The following CSMD3 variants were observed in gnomAD, a reference collection of about 807,000 sequenced individuals.
The protein encoded by CSMD3 is CUB and sushi domain-containing protein 3.
CSMD3 carries 177 observed loss-of-function variants against 435.2 expected under a neutral mutation model. That is an observed-to-expected ratio of 0.41 (90% CI 0.36 to 0.46). The LOEUF is 0.46. Among genes scored for constraint, CSMD3 ranks in the 20% least tolerant of loss-of-function variants. CSMD3 has a pLI of 0.34. For missense variants in CSMD3, 4,265 were observed against 4,504.6 expected (o/e 0.95, Z 1.52); for synonymous variants, 1,656 against 1,520.5 (o/e 1.09, Z -2.07).
chr8:112,735,960 C>T lies in CSMD3; in HGVS notation c.1973-45910G>A, dbSNP rs867069173. On this transcript the variant is annotated intron_variant, in intron 13 of 70. Coordinates refer to ENST00000297405, the MANE Select transcript of CSMD3 (RefSeq NM_198123.2). ...ATTTTTAATTATACATCTCAAGAAT[C>T]ATGTTAGGTAGAAAACAGAAATCAT... Among the ~76,000 whole-genome samples the T allele has an allele frequency of 3.9e-5, 6 of 151,922 alleles. No homozygotes were observed. In the South Asian group the frequency reaches 6.2e-4, roughly 16 times the overall value.
chr8:113,227,184 A>G (rs567229393), intron 3 of CSMD3, among the ~76,000 whole-genome samples: 5 of 151,626 alleles, frequency 3.3e-5, no homozygotes, highest in Non-Finnish European at 7.4e-5. Context: ...ACAAATAAAA[A>G]TTAGAGAAAT....
intron 9 of CSMD3, among the ~76,000 whole-genome samples, chr8:112,937,356 T>TTA (rs1014688326): frequency 4.6e-4 from 69 of 150,592 alleles, no homozygotes; most frequent in African/African-American, 1.7e-3. Flanking sequence ...AATAATGTTT[T>TTA]TTTTTTTTTT....
intron 28 of CSMD3, among the ~76,000 whole-genome samples, chr8:112,515,015 A>G (rs567559611): frequency 6.3e-4 from 95 of 151,936 alleles, no homozygotes; most frequent in Admixed American, 7.9e-4. Flanking sequence ...ACCTCACACA[A>G]CCTGCTTAAC....
chr8:113,331,283 A>G (rs2094025697), intron 1 of CSMD3, among the ~76,000 whole-genome samples: 1 of 151,642 alleles, frequency 6.6e-6, no homozygotes, highest in Admixed American at 6.6e-5. Context: ...TAAGAGATTG[A>G]ATGTGTGACT....
At chr8:112,712,717 G>T (rs2076635347) in intron 13 of CSMD3, among the ~76,000 whole-genome samples, 1 of 151,400 alleles carries the variant, frequency 6.6e-6, no homozygotes, top group Admixed American at 6.6e-5. Context: ...GTCTTACAAG[G>T]AATTCTGCAT....
At chr8:112,295,330 G>C (rs545559344) in intron 54 of CSMD3, among the ~76,000 whole-genome samples, 1 of 151,962 alleles carries the variant, frequency 6.6e-6, no homozygotes, top group African/African-American at 2.4e-5. Flanking sequence ...GAGAGCAAAG[G>C]TTCTTCATGT....
At chr8:112,688,483 T>C (rs1423094346) in intron 14 of CSMD3, among the ~76,000 whole-genome samples, 1 of 152,136 alleles carries the variant, frequency 6.6e-6, no homozygotes, top group East Asian at 1.9e-4. Flanking sequence ...AAAAACTATG[T>C]TAGAATTTTG....
rs116330414 is a variant in CSMD3, at chr8:112,484,212, A to C, written c.5278+8277T>G. Reference sequence around the variant, plus strand: ...ATGTCTATATTTTCTCTAGACTTTAACCGAATTTTTTTCTAACTGAATTTT... The same window carrying C: ...ATGTCTATATTTTCTCTAGACTTTACCCGAATTTTTTTCTAACTGAATTTT... On this transcript the variant is annotated intron_variant, in intron 31 of 70. Coordinates refer to ENST00000297405, the MANE Select transcript of CSMD3 (RefSeq NM_198123.2). 7.9e-3 allele frequency among the ~76,000 whole-genome samples: 1,207 copies of C among 152,276 alleles called. 22 individuals are homozygous for C. Among genetic ancestry groups the C allele is most frequent in the African/African-American group, 0.027 (1,118 of 41,548 alleles).
At chr8:112,883,654 A>T (rs2081509737) in intron 10 of CSMD3, among the ~76,000 whole-genome samples, 1 of 151,972 alleles carries the variant, frequency 6.6e-6, no homozygotes, top group African/African-American at 2.4e-5. Context: ...CATCTCTTAC[A>T]AAATCATGGT....
At chr8:112,513,627 T>C (rs1406492598) in intron 28 of CSMD3, among the ~76,000 whole-genome samples, 2 of 152,168 alleles carry the variant, frequency 1.3e-5, no homozygotes, top group Non-Finnish European at 2.9e-5. Flanking sequence ...AGTGAGCAGA[T>C]GCCATTGGAA....
chr8:112,269,718 C>A (rs1280549199), intron 59 of CSMD3, among the ~76,000 whole-genome samples: 1 of 152,162 alleles, frequency 6.6e-6, no homozygotes, highest in Non-Finnish European at 1.5e-5. Flanking sequence ...ATTACATGTA[C>A]TTATTATATC....
At chr8:112,402,854 A>G (rs1469135443) in intron 35 of CSMD3, among the ~76,000 whole-genome samples, 1 of 152,160 alleles carries the variant, frequency 6.6e-6, no homozygotes, top group African/African-American at 2.4e-5. Flanking sequence ...ATATAGAAAC[A>G]TTTCTTTTAG....
intron 3 of CSMD3, among the ~76,000 whole-genome samples, chr8:113,213,328 A>G (rs2092862137): frequency 6.6e-6 from 1 of 152,112 alleles, no homozygotes; most frequent in Non-Finnish European, 1.5e-5. Context: ...ACATGCCAGC[A>G]TGAACACAGT....
intron 10 of CSMD3, among the ~76,000 whole-genome samples, chr8:112,877,196 T>C (rs980856781): frequency 2.0e-5 from 3 of 152,184 alleles, no homozygotes; most frequent in Non-Finnish European, 4.4e-5. Context: ...AAGTAATTTA[T>C]AGATTCAATG....
chr8:112,497,204 A>G (rs1211224849), intron 30 of CSMD3, among the ~76,000 whole-genome samples: 1 of 152,146 alleles, frequency 6.6e-6, no homozygotes, highest in Non-Finnish European at 1.5e-5. Context: ...GATGCTTACC[A>G]GAGGCTGGGA....
intron 12 of CSMD3, among the ~76,000 whole-genome samples, chr8:112,806,984 C>T (rs1031739236): frequency 7.9e-5 from 12 of 152,162 alleles, no homozygotes; most frequent in African/African-American, 2.4e-4. Flanking sequence ...TGATTTACAG[C>T]CCTGTTGCCT....
chr8:113,383,510 C>A (rs565417981), intron 1 of CSMD3, among the ~76,000 whole-genome samples: 1 of 152,044 alleles, frequency 6.6e-6, no homozygotes, highest in East Asian at 1.9e-4. Context: ...AAAAAGCAGA[C>A]ACATCTGGTC....
At chr8:112,618,210 G>T (rs1462216023) in intron 22 of CSMD3, among the ~76,000 whole-genome samples, 1 of 152,064 alleles carries the variant, frequency 6.6e-6, no homozygotes, top group Non-Finnish European at 1.5e-5. Flanking sequence ...AATGGTTTTT[G>T]AGAGTAGAAG....
At chr8:112,797,255 T>A (rs967595315) in intron 13 of CSMD3, among the ~76,000 whole-genome samples, 1 of 151,886 alleles carries the variant, frequency 6.6e-6, no homozygotes, top group African/African-American at 2.4e-5. Flanking sequence ...TCTTCCTACA[T>A]TTGGAGGGAA....
Sources: allele counts gnomAD v4.1 joint callset (sites outside exome capture counted in the v4.1 genomes callset), GRCh38; gene constraint gnomAD v4.1.1; transcripts MANE v1.5; gene names NCBI Gene and HGNC (gene_info 2026-07-23, HGNC 2026-07-21).